The following KLHL29 variants were observed in gnomAD, a reference collection of about 807,000 sequenced individuals.
KLHL29 encodes kelch like family member 29.
KLHL29 carries 21 observed loss-of-function variants against 80.4 expected under a neutral mutation model. The observed-to-expected ratio is 0.26, with a 90% CI of 0.19 to 0.38. KLHL29 has a LOEUF of 0.38. Among genes scored for constraint, KLHL29 ranks in the 10% least tolerant of loss-of-function variants. The pLI, the probability that KLHL29 is intolerant of heterozygous loss-of-function variation, is 1.00. For missense variants in KLHL29, 867 were observed against 1,223.9 expected, an observed-to-expected ratio of 0.71 and a Z score of 4.35; for synonymous variants, 511 against 526.8, an observed-to-expected ratio of 0.97 and a Z score of 0.41.
At chr2:23,576,610 C>T (rs1667849634) in intron 3 of KLHL29, among the ~76,000 whole-genome samples, 1 of 152,180 alleles carries the variant, frequency 6.6e-6, no homozygotes, top group Non-Finnish European at 1.5e-5. Flanking sequence ...CCCAGCAGTT[C>T]CCTCACCGGG....
At chr2:23,478,696 G>A (rs559782139) in intron 2 of KLHL29, among the ~76,000 whole-genome samples, 3 of 152,152 alleles carry the variant, frequency 2.0e-5, no homozygotes, top group Non-Finnish European at 4.4e-5. Context: ...GAAGGGCAGT[G>A]CTGATCGTCA....
chr2:23,493,763 C>T (rs563576811), intron 2 of KLHL29, among the ~76,000 whole-genome samples: 1 of 152,224 alleles, frequency 6.6e-6, no homozygotes, highest in African/African-American at 2.4e-5. Flanking sequence ...TTCCGGCCTT[C>T]TCCATAGGGA....
chr2:23,692,428 C>T (rs1308102434), intron 7 of KLHL29, among the ~76,000 whole-genome samples: 1 of 152,222 alleles, frequency 6.6e-6, no homozygotes, highest in Non-Finnish European at 1.5e-5. Context: ...TGCTACCCCG[C>T]ATGGGCGACG....
intron 5 of KLHL29, among the ~76,000 whole-genome samples, chr2:23,656,140 C>G (rs1460123625): frequency 6.6e-6 from 1 of 152,216 alleles, no homozygotes; most frequent in Non-Finnish European, 1.5e-5. Context: ...GAAGAGATTT[C>G]TGTGCAAGAA....
At position 23,507,848 on chromosome 2, in the gene KLHL29, G is replaced by A. The variant is rs535083095; in HGVS notation, c.-46+32181G>A. 2.0e-5 allele frequency among the ~76,000 whole-genome samples: 3 copies of A among 152,348 alleles called. No homozygotes were observed. The East Asian group carries it at 5.8e-4, about 29-fold the overall frequency. ...AGAGGTTGGGCTAAAAGGTCGCTAA[G>A]ATCACTTCTAGCCTGATCTTCCATG... is the stretch of plus-strand genomic sequence containing the variant. On this transcript the variant is annotated intron_variant, in intron 2 of 13. Coordinates refer to ENST00000486442, the MANE Select transcript of KLHL29 (RefSeq NM_052920.2).
intron 1 of KLHL29, among the ~76,000 whole-genome samples, chr2:23,425,559 G>A (rs1334504230): frequency 3.3e-5 from 5 of 152,178 alleles, no homozygotes. Flanking sequence ...CAGGTAGCAG[G>A]GTGAGCCCCC....
At chr2:23,589,341 G>A (rs951818520) in intron 3 of KLHL29, among the ~76,000 whole-genome samples, 1 of 152,244 alleles carries the variant, frequency 6.6e-6, no homozygotes, top group Non-Finnish European at 1.5e-5. Flanking sequence ...TGGAAACTCC[G>A]AAGAAGGCAG....
chr2:23,674,496 T>G (rs1240649139), intron 5 of KLHL29, among the ~76,000 whole-genome samples: 1 of 152,142 alleles, frequency 6.6e-6, no homozygotes, highest in Admixed American at 6.5e-5. Flanking sequence ...GTGCTGAACT[T>G]GTCTCTTGCC....
At chr2:23,444,730 C>G (rs1453057427) in intron 1 of KLHL29, among the ~76,000 whole-genome samples, 1 of 152,176 alleles carries the variant, frequency 6.6e-6, no homozygotes, top group Non-Finnish European at 1.5e-5. Context: ...AATATTATTA[C>G]TAACAATAAA....
At chr2:23,563,155 C>T (rs4665226) in intron 3 of KLHL29, among the ~76,000 whole-genome samples, 113,612 of 152,200 alleles carry the variant, frequency 0.75, 42,941 homozygotes, top group East Asian at 1. Context: ...CCGTTTCTTT[C>T]AGAAGAGGTG....
At position 23,607,956 on chromosome 2, in the gene KLHL29, G is replaced by A. The variant is rs546417440; in HGVS notation, c.286-31183G>A. Among the ~76,000 whole-genome samples, 6 of 150,136 alleles carry A rather than the reference G, an allele frequency of 4.0e-5. No individual in the cohort carries two copies. The East Asian group carries it at 5.9e-4, about 15-fold the overall frequency. On this transcript the variant is annotated intron_variant, in intron 3 of 13. Transcript: ENST00000486442. ...AGCCTCTGTCATCATGTGAACTGCC[G>A]TTCCCCCAATTTATATGTTTAGTCA...
rs70941586 is a variant in KLHL29, at chr2:23,701,793, CTTTTTTTTTT to C, written c.2106-1376_2106-1367del. On this transcript the variant is annotated intron_variant, in intron 11 of 13. Coordinates refer to ENST00000486442, the MANE Select transcript of KLHL29 (RefSeq NM_052920.2). ...GCTTCGCACACATGGCTTTTTTTTGCTTTTTTTTTTTTTTTTTTTTTTTTTTCAGACGGAG... is the reference window on the plus strand; with the variant it reads ...GCTTCGCACACATGGCTTTTTTTTGCTTTTTTTTTTTTTTTTCAGACGGAG... Among the ~76,000 whole-genome samples the C allele has an allele frequency of 9.3e-4, 21 of 22,544 alleles. No individual in the cohort carries two copies. The Admixed American group carries it at 0.014, about 15-fold the overall frequency. The allele number at this position is 22,544 out of a possible 152,430, so 14.8% of individuals were successfully genotyped here.
intron 3 of KLHL29, among the ~76,000 whole-genome samples, chr2:23,579,783 C>T (rs1405868604): frequency 6.6e-6 from 1 of 152,226 alleles, no homozygotes; most frequent in African/African-American, 2.4e-5. Context: ...CCTCTTCTGG[C>T]TTCACCAAGC....
rs1340187091 is a variant in KLHL29 at position 23,696,611 on chromosome 2, T to C, written c.2105+98T>C. ...CCTCCCAACACCCACTCAGTGGCGA[T>C]GGAGCAGAGCCTGGACCATTCATAT... is the stretch of plus-strand genomic sequence containing the variant. On this transcript the variant is annotated intron_variant, in intron 11 of 13. Coordinates refer to ENST00000486442, the MANE Select transcript of KLHL29 (RefSeq NM_052920.2). This position sits in a 1 kb window ranked among gnomAD's most constrained non-coding sequence, Gnocchi z 5.5. The C allele has an allele frequency of 5.1e-6, 5 of 974,246 alleles. No homozygotes were observed. In the African/African-American group the frequency reaches 6.6e-5, roughly 13 times the overall value. The allele number at this position is 974,246 out of a possible 1,614,324, so 60.4% of individuals were successfully genotyped here.
At chr2:23,632,249 C>T (rs1486879634) in intron 3 of KLHL29, among the ~76,000 whole-genome samples, 1 of 152,236 alleles carries the variant, frequency 6.6e-6, no homozygotes, top group Admixed American at 6.5e-5. Flanking sequence ...GAGCTGTCAT[C>T]TAAAAGATCC....
chr2:23,516,689 C>G (rs1665942541), intron 2 of KLHL29, among the ~76,000 whole-genome samples: 1 of 152,220 alleles, frequency 6.6e-6, no homozygotes, highest in East Asian at 1.9e-4. Flanking sequence ...ATTCAAGCAG[C>G]TCATAGGCAA....
chr2:23,412,332 G>C (rs1666885580), intron 1 of KLHL29, among the ~76,000 whole-genome samples: 1 of 152,188 alleles, frequency 6.6e-6, no homozygotes, highest in Non-Finnish European at 1.5e-5. Context: ...TCAGGCCCCA[G>C]CAGTGTTTAT....
At chr2:23,521,945 C>T (rs1217064100) in intron 2 of KLHL29, among the ~76,000 whole-genome samples, 3 of 152,202 alleles carry the variant, frequency 2.0e-5, no homozygotes, top group African/African-American at 7.2e-5. Context: ...TGTGCACCTG[C>T]TTTTCACAGC....
At chr2:23,542,025 G>C (rs1265772817) in intron 2 of KLHL29, among the ~76,000 whole-genome samples, 1 of 152,216 alleles carries the variant, frequency 6.6e-6, no homozygotes, top group Non-Finnish European at 1.5e-5. Flanking sequence ...TGTGCTGCCT[G>C]TTGTTAAGTC....
Sources: gnomAD v4.1 joint callset for allele counts (sites outside exome capture counted in the v4.1 genomes callset) on GRCh38, gnomAD v4.1.1 for gene constraint, Gnocchi (gnomAD v3.1) non-coding constraint, MANE v1.5 for transcripts, NCBI Gene and HGNC (gene_info 2026-07-23, HGNC 2026-07-21) for gene names.